FGGY: variants seen among roughly 807,000 people sequenced by gnomAD.
The protein encoded by FGGY is FGGY carbohydrate kinase domain-containing protein.
Under a neutral mutation model 71.3 loss-of-function variants are expected in FGGY, and 72 were observed. The observed-to-expected ratio is 1.01, with a 90% CI of 0.84 to 1.23. The LOEUF (loss-of-function observed/expected upper bound fraction) is 1.23. Among genes scored for constraint, FGGY ranks in the 50% most tolerant of loss-of-function variants. FGGY has a pLI of 0.00. For missense variants in FGGY, 668 were observed against 682.3 expected, an observed-to-expected ratio of 0.98 and a Z score of 0.23; for synonymous variants, 251 against 250.3, an observed-to-expected ratio of 1.00 and a Z score of -0.02.
chr1:59,374,131 A>C (rs953263864), intron 4 of FGGY, among the ~76,000 whole-genome samples: 15 of 152,232 alleles, frequency 9.9e-5, no homozygotes, highest in Non-Finnish European at 1.5e-4. Context: ...ACAAAATGGC[A>C]GAAAATTTTC....
intron 6 of FGGY, among the ~76,000 whole-genome samples, chr1:59,465,992 C>T (rs896938198): frequency 1.3e-5 from 2 of 151,950 alleles, no homozygotes; most frequent in Non-Finnish European, 2.9e-5. Flanking sequence ...CTTCACAGAA[C>T]TGAAAAAAAC....
At position 59,722,034 on chromosome 1, in the gene FGGY, A is replaced by G. The variant is rs148073130; in HGVS notation, c.1513-35897A>G. Among the ~76,000 whole-genome samples the G allele has an allele frequency of 1.3e-4, 20 of 152,318 alleles. 1 individual carries two copies. The highest frequency in any genetic ancestry group is 4.6e-4 in the African/African-American group (19 of 41,574). The stretch of plus-strand genomic sequence containing the variant: ...CCTAACATCCCTTTTCTATTCTAGC[A>G]TCCCTTCCAGGACACCACGTTACAT... On this transcript the variant is annotated intron_variant, in intron 14 of 15. Coordinates refer to ENST00000303721, the MANE Select transcript of FGGY (RefSeq NM_018291.5).
At chr1:59,659,465 G>A (rs1309326100) in intron 11 of FGGY, among the ~76,000 whole-genome samples, 1 of 152,156 alleles carries the variant, frequency 6.6e-6, no homozygotes, top group African/African-American at 2.4e-5. Flanking sequence ...TTTATAATGT[G>A]ATAATCTAAA....
chr1:59,629,800 A>G (rs751677222), intron 10 of FGGY, among the ~76,000 whole-genome samples: 14 of 152,308 alleles, frequency 9.2e-5, no homozygotes, highest in African/African-American at 2.6e-4. Context: ...TCTTCATTAT[A>G]ACATAGGATA....
intron 11 of FGGY, among the ~76,000 whole-genome samples, chr1:59,659,035 A>G (rs1322187329): frequency 6.6e-6 from 1 of 152,162 alleles, no homozygotes; most frequent in Non-Finnish European, 1.5e-5. Context: ...CAGCCTGGCT[A>G]CTAAAAATAC....
At chr1:59,537,528 C>G (rs559851814) in intron 7 of FGGY, among the ~76,000 whole-genome samples, 1 of 152,114 alleles carries the variant, frequency 6.6e-6, no homozygotes, top group Non-Finnish European at 1.5e-5. Context: ...AAAAAGAGCC[C>G]GCATCACCAA....
At chr1:59,447,362 G>C (rs1365134489) in intron 5 of FGGY, among the ~76,000 whole-genome samples, 1 of 152,116 alleles carries the variant, frequency 6.6e-6, no homozygotes, top group African/African-American at 2.4e-5. Context: ...TTCAGGGTGT[G>C]AACCTAGCAG....
chr1:59,440,230 G>A (rs1464691374), intron 5 of FGGY, among the ~76,000 whole-genome samples: 1 of 151,934 alleles, frequency 6.6e-6, no homozygotes, highest in Non-Finnish European at 1.5e-5. Context: ...TAATTCTAAA[G>A]GAGATAAAAA....
chr1:59,327,402 C>T (rs542182521), intron 2 of FGGY, among the ~76,000 whole-genome samples: 5 of 152,286 alleles, frequency 3.3e-5, no homozygotes, highest in East Asian at 1.9e-4. Flanking sequence ...AGCCCCTCAT[C>T]GGTTCATATT....
chr1:59,632,998 TTTC>T (rs1198391455), intron 10 of FGGY, among the ~76,000 whole-genome samples: 24 of 145,758 alleles, frequency 1.6e-4, no homozygotes, highest in African/African-American at 5.8e-4. Context: ...TTATTATACA[TTTC>T]TTTTTTTTTT....
At chr1:59,377,073 G>A (rs977409286) in intron 4 of FGGY, among the ~76,000 whole-genome samples, 2 of 152,166 alleles carry the variant, frequency 1.3e-5, no homozygotes, top group African/African-American at 4.8e-5. Flanking sequence ...CCAACCAAGT[G>A]CTTGTAGTAA....
intron 14 of FGGY, chr1:59,698,793 C>T (rs766919661): frequency 1.0e-6 from 1 of 985,436 alleles, no homozygotes; most frequent in Non-Finnish European, 1.2e-6. Flanking sequence ...GCAGCGCATA[C>T]ATTGAGTGCG....
chr1:59,450,376 G>GAAATTTAAGAAGGGA (rs150443444), intron 5 of FGGY, among the ~76,000 whole-genome samples: 5,122 of 152,132 alleles, frequency 0.034, 282 homozygotes, highest in African/African-American at 0.12. Flanking sequence ...TTTTTTTAAA[G>GAAATTTAAGAAGGGA]AAATTTATGT....
intron 9 of FGGY, among the ~76,000 whole-genome samples, chr1:59,611,226 C>T (rs1277660420): frequency 6.6e-6 from 1 of 152,168 alleles, no homozygotes; most frequent in Non-Finnish European, 1.5e-5. Flanking sequence ...CAAGTGGGAC[C>T]CTGACCCCCT....
chr1:59,577,044 A>T (rs1361969220), intron 8 of FGGY, among the ~76,000 whole-genome samples: 1 of 152,128 alleles, frequency 6.6e-6, no homozygotes, highest in Non-Finnish European at 1.5e-5. Flanking sequence ...AAAGCTAGCA[A>T]ATTCTTTTTA....
chr1:59,693,963 C>T (rs950616187), intron 14 of FGGY, among the ~76,000 whole-genome samples: 25 of 151,384 alleles, frequency 1.7e-4, no homozygotes, highest in Middle Eastern at 6.9e-3. Flanking sequence ...GCCAATGTTA[C>T]GCCACTGCAC....
At chr1:59,506,817 G>A (rs1350356761) in intron 6 of FGGY, among the ~76,000 whole-genome samples, 1 of 151,532 alleles carries the variant, frequency 6.6e-6, no homozygotes, top group East Asian at 1.9e-4. Flanking sequence ...AATTACACAA[G>A]AAATGTAGAC....
intron 4 of FGGY, among the ~76,000 whole-genome samples, chr1:59,374,630 A>C (rs568759906): frequency 6.6e-6 from 1 of 152,128 alleles, no homozygotes; most frequent in Non-Finnish European, 1.5e-5. Context: ...CACTGTTCAC[A>C]ATAGGAAAGA....
chr1:59,377,852 G>A (rs901407224), intron 4 of FGGY, among the ~76,000 whole-genome samples: 1 of 152,128 alleles, frequency 6.6e-6, no homozygotes, highest in African/African-American at 2.4e-5. Context: ...ATGCCCAGCA[G>A]TAAGAAAAAG....
Sources: gnomAD v4.1 joint callset for allele counts (sites outside exome capture counted in the v4.1 genomes callset) on GRCh38, gnomAD v4.1.1 for gene constraint, MANE v1.5 for transcripts, NCBI Gene and HGNC (gene_info 2026-07-23, HGNC 2026-07-21) for gene names.